The following CNKSR3 variants were observed in gnomAD, a reference collection of about 807,000 sequenced individuals.
CNKSR3 encodes CNKSR family member 3.
Under a neutral mutation model 67.7 loss-of-function variants are expected in CNKSR3, and 36 were observed. That is an observed-to-expected ratio of 0.53 (90% CI 0.41 to 0.70). The LOEUF is 0.70. Among genes scored for constraint, CNKSR3 ranks in the 30% least tolerant of loss-of-function variants. The probability of loss-of-function intolerance (pLI) is 0.00; values close to 1 mark genes in which losing one functional copy is unlikely to be tolerated. For missense variants in CNKSR3, 630 were observed against 695.2 expected (o/e 0.91, Z 1.05); for synonymous variants, 281 against 271.4 (o/e 1.04, Z -0.35).
chr6:154,422,775 G>A (rs3818848), intron 8 of CNKSR3, 123 bp from the exon 9 acceptor site: 34,881 of 1,180,870 alleles, frequency 0.03, 660 homozygotes, highest in Middle Eastern at 0.068. Flanking sequence ...ATAGGCAGGC[G>A]TAAGTATGCT....
chr6:154,414,746 A>T, intron 9 of CNKSR3: 1 of 533,024 alleles, frequency 1.9e-6, no homozygotes, highest in Non-Finnish European at 3.8e-6. Flanking sequence ...AGTGATACTG[A>T]TAATATCTCT....
chr6:154,405,491 G>A lies in CNKSR3; in HGVS notation c.*863C>T, dbSNP rs1333182384. 1 of 152,314 alleles carries A rather than the reference G, an allele frequency of 6.6e-6. No homozygotes were observed. The highest frequency in any genetic ancestry group is 2.4e-5 in the African/African-American group (1 of 41,404). 9.4% of individuals were successfully genotyped at this position (152,314 alleles called of 1,614,324 possible). On this transcript the variant is annotated 3_prime_UTR_variant, in exon 13 of 13. Coordinates refer to ENST00000607772, the MANE Select transcript of CNKSR3 (RefSeq NM_173515.4). ...CCAAGATATTTCTAATTAGCAAACT[G>A]TGTACAATTTTGAAGAAGTGTACAC...
At chr6:154,459,976 C>T (rs1455391851) in intron 1 of CNKSR3, among the ~76,000 whole-genome samples, 2 of 152,224 alleles carry the variant, frequency 1.3e-5, no homozygotes, top group Admixed American at 6.5e-5. Flanking sequence ...CCCAAGCCTA[C>T]GCTGCCTCAA....
At chr6:154,436,719 T>C (rs1260397471) in intron 4 of CNKSR3, among the ~76,000 whole-genome samples, 1 of 152,102 alleles carries the variant, frequency 6.6e-6, no homozygotes. Flanking sequence ...TCTTGCCGTC[T>C]CTATTTCAGT....
intron 1 of CNKSR3, among the ~76,000 whole-genome samples, chr6:154,460,418 C>G (rs914405619): frequency 6.6e-6 from 1 of 152,144 alleles, no homozygotes; most frequent in Non-Finnish European, 1.5e-5. Context: ...AAGCATATAC[C>G]TATATCTCAC....
intron 1 of CNKSR3, among the ~76,000 whole-genome samples, chr6:154,480,467 G>T (rs1341219162): frequency 6.6e-6 from 1 of 152,178 alleles, no homozygotes. Flanking sequence ...CAGGCAGGCA[G>T]GTAAAGCCTT....
At chr6:154,466,776 C>T (rs954229704) in intron 1 of CNKSR3, among the ~76,000 whole-genome samples, 3 of 145,342 alleles carry the variant, frequency 2.1e-5, no homozygotes, top group Non-Finnish European at 3.0e-5. Flanking sequence ...CACACCATCA[C>T]GCCCAGCTAA....
chr6:154,505,381 G>C (rs1365271420), intron 1 of CNKSR3, among the ~76,000 whole-genome samples: 1 of 151,504 alleles, frequency 6.6e-6, no homozygotes, highest in Non-Finnish European at 1.5e-5. Context: ...TTGGTGATGG[G>C]GACTGCTACC....
In CNKSR3 at chr6:154,445,961, T is replaced by A. The variant is rs146722284; in HGVS notation, c.217-3671A>T. On this transcript the variant is annotated intron_variant, in intron 2 of 12. Coordinates refer to ENST00000607772, the MANE Select transcript of CNKSR3 (RefSeq NM_173515.4). ...TGTAGAAGCATAATCAGGAAAGGAT[T>A]ATTGACTTAAGTGCCCCATAAAGAC... is the stretch of plus-strand genomic sequence containing the variant. Among the ~76,000 whole-genome samples the A allele has an allele frequency of 2.6e-5, 4 of 152,308 alleles. No homozygotes were observed. In the East Asian group the frequency reaches 7.7e-4, roughly 29 times the overall value.
Position 154,444,640 on chromosome 6 carries a change from T to C in CNKSR3, c.217-2350A>G, listed in dbSNP as rs185120130. ...TTTTTTTTTTGAAACGGAGTTTCAC[T>C]CTGTCACCAGGCTGGAGTGCAGTGG... On this transcript the variant is annotated intron_variant, in intron 2 of 12. Transcript: ENST00000607772. Among the ~76,000 whole-genome samples the C allele has an allele frequency of 2.7e-5, 4 of 145,606 alleles. No individual in the cohort carries two copies. In the East Asian group the frequency reaches 8.1e-4, roughly 30 times the overall value.
At chr6:154,452,699 C>A (rs1488224702) in intron 1 of CNKSR3, among the ~76,000 whole-genome samples, 1 of 152,034 alleles carries the variant, frequency 6.6e-6, no homozygotes, top group Admixed American at 6.6e-5. Context: ...AGAGAGAATC[C>A]CTAAAGAAGG....
intron 1 of CNKSR3, among the ~76,000 whole-genome samples, chr6:154,470,108 A>T (rs1172904504): frequency 6.6e-6 from 1 of 151,162 alleles, no homozygotes; most frequent in Non-Finnish European, 1.5e-5. Context: ...CCATCACCCC[A>T]AAAAGAAACC....
chr6:154,458,636 C>T (rs1235204077), intron 1 of CNKSR3, among the ~76,000 whole-genome samples: 1 of 152,128 alleles, frequency 6.6e-6, no homozygotes, highest in Non-Finnish European at 1.5e-5. Flanking sequence ...CCAGCTGCCA[C>T]TAATCTGATT....
intron 8 of CNKSR3, 125 bp downstream of exon 8, chr6:154,422,790 T>G: frequency 8.6e-7 from 1 of 1,157,986 alleles, no homozygotes; most frequent in Non-Finnish European, 1.3e-6. Context: ...TATGCTCATG[T>G]TAGCACAACC....
chr6:154,476,856 A>T (rs376852720), intron 1 of CNKSR3, among the ~76,000 whole-genome samples: 1 of 152,248 alleles, frequency 6.6e-6, no homozygotes, highest in Non-Finnish European at 1.5e-5. Flanking sequence ...GGGAAAAATT[A>T]AAAATATCCA....
chr6:154,439,776 C>A (rs1043395403), intron 4 of CNKSR3, among the ~76,000 whole-genome samples: 1 of 152,136 alleles, frequency 6.6e-6, no homozygotes, highest in Non-Finnish European at 1.5e-5. Context: ...CCTGCAGTCC[C>A]AGCTATCCAG....
At chr6:154,502,376 TA>T (rs1310671037) in intron 1 of CNKSR3, among the ~76,000 whole-genome samples, 4 of 150,900 alleles carry the variant, frequency 2.7e-5, no homozygotes, top group African/African-American at 7.3e-5. Context: ...TTTTTTTTTT[TA>T]GTAGAGACGG....
chr6:154,491,487 G>C (rs1339427061), intron 1 of CNKSR3, among the ~76,000 whole-genome samples: 1 of 152,108 alleles, frequency 6.6e-6, no homozygotes, highest in Non-Finnish European at 1.5e-5. Flanking sequence ...ATGATTTCAT[G>C]GCATTCTGAA....
At chr6:154,415,886 T>G (rs1785014788) in intron 9 of CNKSR3, among the ~76,000 whole-genome samples, 1 of 152,214 alleles carries the variant, frequency 6.6e-6, no homozygotes, top group South Asian at 2.1e-4. Flanking sequence ...CAATGATTTT[T>G]CTGGTTGGTA....
Sources: gnomAD v4.1 joint callset for allele counts (sites outside exome capture counted in the v4.1 genomes callset) on GRCh38, gnomAD v4.1.1 for gene constraint, MANE v1.5 for transcripts, NCBI Gene and HGNC (gene_info 2026-07-23, HGNC 2026-07-21) for gene names.